The following BRAF variants were observed in gnomAD, a reference collection of about 807,000 sequenced individuals.
The protein encoded by BRAF is B-Raf proto-oncogene, serine/threonine kinase, also known as serine/threonine-protein kinase B-raf.
BRAF carries 16 observed loss-of-function variants against 104.6 expected under a neutral mutation model. That is an observed-to-expected ratio of 0.15 (90% CI 0.10 to 0.23). The LOEUF is 0.23. Ranked by LOEUF, BRAF falls within the 10% of genes least tolerant of loss-of-function variation. The probability of loss-of-function intolerance (pLI) is 1.00; values close to 1 mark genes in which losing one functional copy is unlikely to be tolerated. For missense variants in BRAF, 541 were observed against 937.3 expected (o/e 0.58, Z 5.52); for synonymous variants, 310 against 341.6 (o/e 0.91, Z 1.02).
Position 140,833,709 on chromosome 7 carries a change from T to C in BRAF, c.504+900A>G, listed in dbSNP as rs199594205. Reference sequence around the variant, plus strand: ...AGGGCAGAAAAAGTATGACTTTTTATTTTATTACTTTTTATTCCCTGACAA... The same window carrying C: ...AGGGCAGAAAAAGTATGACTTTTTACTTTATTACTTTTTATTCCCTGACAA... On this transcript the variant is annotated intron_variant, in intron 3 of 19. Transcript: ENST00000644969. Among the ~76,000 whole-genome samples, 4 of 152,214 alleles carry C rather than the reference T, an allele frequency of 2.6e-5. No individual in the cohort carries two copies. In the East Asian group the frequency reaches 7.7e-4, roughly 29 times the overall value.
intron 1 of BRAF, among the ~76,000 whole-genome samples, chr7:140,858,224 C>T (rs1810017857): frequency 6.6e-6 from 1 of 152,112 alleles, no homozygotes; most frequent in African/African-American, 2.4e-5. Context: ...AGTGGAACAA[C>T]CCAACATATG....
chr7:140,805,403 T>C (rs566706272), intron 5 of BRAF, among the ~76,000 whole-genome samples: 4 of 152,292 alleles, frequency 2.6e-5, no homozygotes, highest in African/African-American at 7.2e-5. Context: ...ACCAAGTAGG[T>C]AGGTGACCAA....
intron 1 of BRAF, among the ~76,000 whole-genome samples, chr7:140,919,460 T>C (rs1281092232): frequency 6.6e-6 from 1 of 151,986 alleles, no homozygotes; most frequent in Non-Finnish European, 1.5e-5. Context: ...ATTAGAATAA[T>C]AGTTTTTTTT....
At chr7:140,766,313 T>C (rs560732508) in intron 14 of BRAF, among the ~76,000 whole-genome samples, 2 of 152,140 alleles carry the variant, frequency 1.3e-5, no homozygotes, top group African/African-American at 4.8e-5. Context: ...GGGGGAGGGA[T>C]AGCATTAGAA....
intron 2 of BRAF, among the ~76,000 whole-genome samples, chr7:140,843,294 G>C (rs967075463): frequency 3.9e-5 from 6 of 152,176 alleles, no homozygotes; most frequent in South Asian, 2.1e-4. Context: ...TTTCTGCTTT[G>C]AGGAGTTGTA....
intron 19 of BRAF, among the ~76,000 whole-genome samples, chr7:140,730,356 T>C (rs1364023113): frequency 6.6e-6 from 1 of 152,082 alleles, no homozygotes; most frequent in Non-Finnish European, 1.5e-5. Context: ...AGGTTGAGGA[T>C]AATTTAAGCT....
At chr7:140,907,261 TC>T (rs1563030143) in intron 1 of BRAF, among the ~76,000 whole-genome samples, 3 of 152,024 alleles carry the variant, frequency 2.0e-5, no homozygotes, top group South Asian at 4.2e-4. Flanking sequence ...GTTGGGTTTT[TC>T]CCCCCCTTTT....
At chr7:140,763,448 T>G (rs1449118177) in intron 14 of BRAF, among the ~76,000 whole-genome samples, 1 of 151,712 alleles carries the variant, frequency 6.6e-6, no homozygotes, top group East Asian at 1.9e-4. Context: ...ACGAGGCAGC[T>G]GGCTGGGCGG....
At chr7:140,760,708 C>CTGAA (rs142438514) in intron 14 of BRAF, among the ~76,000 whole-genome samples, 3,603 of 151,888 alleles carry the variant, frequency 0.024, 129 homozygotes, top group African/African-American at 0.083. Context: ...GCTGATGGGG[C>CTGAA]TGAAAGCCAA....
chr7:140,722,641 G>C lies in BRAF; in HGVS notation c.*3853C>G. 1 of 1,053,576 alleles carries C rather than the reference G, an allele frequency of 9.5e-7. No individual in the cohort carries two copies. The highest frequency in any genetic ancestry group is 1.1e-6 in the Non-Finnish European group (1 of 871,954). 65.3% of individuals were successfully genotyped at this position (1,053,576 alleles called of 1,614,324 possible). ...ACAATGCCAACTTGGACAAAGAAGA[G>C]AATCTTGCAAAAAGAGTAATCATTC... is the stretch of plus-strand genomic sequence containing the variant. On this transcript the variant is annotated 3_prime_UTR_variant, in exon 20 of 20. Transcript: ENST00000644969.
At position 140,786,600 on chromosome 7, in the gene BRAF, T is replaced by G. The variant is rs1353654806; in HGVS notation, c.1178-792A>C. On this transcript the variant is annotated intron_variant, in intron 9 of 19. Transcript: ENST00000644969. The stretch of plus-strand genomic sequence containing the variant: ...GAGTGAATACTAGATGAAAATTCAG[T>G]TGGAAATCTCAATTCAGTTTCTCAT... 3.3e-5 allele frequency among the ~76,000 whole-genome samples: 5 copies of G among 152,302 alleles called. No individual in the cohort carries two copies. In the East Asian group the frequency reaches 5.8e-4, roughly 18 times the overall value.
At chr7:140,819,620 G>A (rs978304067) in intron 3 of BRAF, among the ~76,000 whole-genome samples, 2 of 152,170 alleles carry the variant, frequency 1.3e-5, no homozygotes, top group African/African-American at 2.4e-5. Context: ...ACAAAATGTG[G>A]TATATACAGC....
chr7:140,858,688 T>C (rs527638189), intron 1 of BRAF, among the ~76,000 whole-genome samples: 1 of 152,312 alleles, frequency 6.6e-6, no homozygotes, highest in South Asian at 2.1e-4. Context: ...AGATGTAAGA[T>C]GATAGAATTT....
chr7:140,833,545 A>C (rs949512923), intron 3 of BRAF, among the ~76,000 whole-genome samples: 6 of 152,186 alleles, frequency 3.9e-5, no homozygotes, highest in Admixed American at 3.9e-4. Flanking sequence ...TGTGGGAAAA[A>C]TAATTTTAAT....
chr7:140,906,849 T>C (rs996595861), intron 1 of BRAF, among the ~76,000 whole-genome samples: 3 of 152,236 alleles, frequency 2.0e-5, no homozygotes, highest in Admixed American at 2.0e-4. Context: ...AAGACTTTTC[T>C]CCTTGTATCT....
At chr7:140,913,499 T>G (rs912092068) in intron 1 of BRAF, among the ~76,000 whole-genome samples, 8 of 144,278 alleles carry the variant, frequency 5.5e-5, no homozygotes, top group East Asian at 2.0e-4. Context: ...TTTTTTTTTT[T>G]GTGAGACAGA....
rs7786676 is a variant in BRAF, at chr7:140,743,284, A to C, written c.2113-3338T>G. ...AAGACACATGCACACGTATGTTTAT[A>C]GCGGCACTATTCACAATAGCAAAGA... On this transcript the variant is annotated intron_variant, in intron 17 of 19. Transcript: ENST00000644969. Among the ~76,000 whole-genome samples the C allele has an allele frequency of 1.4e-3, 211 of 150,172 alleles. 1 individual carries two copies. The highest frequency in any genetic ancestry group is 5.1e-3 in the African/African-American group (202 of 39,984).
chr7:140,771,713 C>T (rs1799860162), intron 14 of BRAF, among the ~76,000 whole-genome samples: 1 of 152,002 alleles, frequency 6.6e-6, no homozygotes, highest in Non-Finnish European at 1.5e-5. Context: ...ACCCTATAGC[C>T]TTATTGTCTA....
In BRAF at chr7:140,722,189, A is replaced by G. The variant is rs1470688475; in HGVS notation, c.*4305T>C. 3.8e-6 allele frequency: 4 copies of G among 1,058,418 alleles called. No homozygotes were observed. The highest frequency in any genetic ancestry group is 4.6e-6 in the Non-Finnish European group (4 of 874,622). The allele number at this position is 1,058,418 out of a possible 1,614,324, so 65.6% of individuals were successfully genotyped here. On this transcript the variant is annotated 3_prime_UTR_variant, in exon 20 of 20. Coordinates refer to ENST00000644969, the MANE Select transcript of BRAF (RefSeq NM_001374258.1). ...AACCTAGTTGCTCTATGTGATAAAT[A>G]TATCTGACTATACTAGGGATTATGT...
Sources: allele counts gnomAD v4.1 joint callset (sites outside exome capture counted in the v4.1 genomes callset), GRCh38; gene constraint gnomAD v4.1.1; transcripts MANE v1.5; gene names NCBI Gene and HGNC (gene_info 2026-07-23, HGNC 2026-07-21).